The following SHLD2 variants were observed in gnomAD, a reference collection of about 807,000 sequenced individuals.
The protein encoded by SHLD2 is shieldin complex subunit 2, also known as RINN1-REV7-interacting novel NHEJ regulator 2.
SHLD2 carries 30 observed loss-of-function variants against 73.2 expected under a neutral mutation model. That is an observed-to-expected ratio of 0.41 (90% confidence interval 0.31 to 0.56). The LOEUF (loss-of-function observed/expected upper bound fraction) is 0.56. Ranked by LOEUF, SHLD2 falls within the 20% of genes least tolerant of loss-of-function variation. The pLI is 0.28. For missense variants in SHLD2, 745 were observed against 1,055.9 expected, an observed-to-expected ratio of 0.71 and a Z score of 4.08; for synonymous variants, 285 against 370.1, an observed-to-expected ratio of 0.77 and a Z score of 2.64.
intron 9 of SHLD2, among the ~76,000 whole-genome samples, chr10:87,188,416 T>A (rs1450104160): frequency 3.9e-5 from 6 of 152,130 alleles, no homozygotes; most frequent in Non-Finnish European, 8.8e-5. Flanking sequence ...CAGGATTTGG[T>A]GTCCCTCCTC....
upstream of SHLD2, chr10:87,094,907 C>T: frequency 1.9e-6 from 1 of 526,304 alleles, no homozygotes; most frequent in Admixed American, 3.0e-5. The surrounding 1 kb of genome is among the most constrained non-coding windows in gnomAD (Gnocchi z 6.6). Context: ...TGTCCCCTCC[C>T]CTCGGGCGCT....
intron 8 of SHLD2, 151 bp downstream of exon 8, chr10:87,180,454 C>G (rs1848235858): frequency 2.1e-6 from 2 of 957,368 alleles, no homozygotes; most frequent in Non-Finnish European, 1.5e-6. Context: ...TTTATGGAAG[C>G]AAAAATTACC....
At chr10:87,168,139 A>C (rs1847334928) in intron 4 of SHLD2, among the ~76,000 whole-genome samples, 2 of 152,108 alleles carry the variant, frequency 1.3e-5, no homozygotes, top group Admixed American at 6.5e-5. Context: ...ATATATCCAA[A>C]AGAAAACAAA....
chr10:87,116,582 G>A (rs937860069), intron 2 of SHLD2, among the ~76,000 whole-genome samples: 17 of 134,250 alleles, frequency 1.3e-4, no homozygotes, highest in Middle Eastern at 3.5e-3. Context: ...CAGTGAAGGG[G>A]GGATAAGGTC....
intron 4 of SHLD2, among the ~76,000 whole-genome samples, chr10:87,166,175 A>G (rs1263246663): frequency 6.6e-6 from 1 of 152,136 alleles, no homozygotes; most frequent in South Asian, 2.1e-4. Context: ...CCAGTGCAAT[A>G]AACATGGAAA....
intron 2 of SHLD2, among the ~76,000 whole-genome samples, chr10:87,103,649 G>T (rs1024292424): frequency 1.3e-4 from 20 of 152,202 alleles, no homozygotes; most frequent in African/African-American, 4.6e-4. Context: ...TCCTTTTAGT[G>T]AGCATGCTTT....
chr10:87,181,072 A>G (rs1189378278), intron 8 of SHLD2, among the ~76,000 whole-genome samples: 1 of 152,042 alleles, frequency 6.6e-6, no homozygotes, highest in African/African-American at 2.4e-5. Flanking sequence ...TTTTGTGGAA[A>G]AGAAGATTGA....
chr10:87,180,353 T>G, intron 8 of SHLD2, 50 bp downstream of exon 8: 2 of 1,587,500 alleles, frequency 1.3e-6, no homozygotes, highest in Non-Finnish European at 1.7e-6. Flanking sequence ...ATTATAGATC[T>G]GGAAAAATTA....
chr10:87,138,738 G>A (rs1844979392), intron 2 of SHLD2, among the ~76,000 whole-genome samples: 1 of 152,224 alleles, frequency 6.6e-6, no homozygotes, highest in Admixed American at 6.5e-5. Flanking sequence ...GGGATTAACT[G>A]CTACAAGAAT....
At chr10:87,098,153 C>T (rs1193823203) in intron 2 of SHLD2, among the ~76,000 whole-genome samples, 1 of 152,120 alleles carries the variant, frequency 6.6e-6, no homozygotes, top group African/African-American at 2.4e-5. Flanking sequence ...TCCATCTCTT[C>T]CCCCATTTAG....
intron 2 of SHLD2, among the ~76,000 whole-genome samples, chr10:87,137,125 G>C (rs1844854486): frequency 6.6e-6 from 1 of 152,118 alleles, no homozygotes; most frequent in Non-Finnish European, 1.5e-5. Flanking sequence ...GTGACCAAAG[G>C]TCAAGAGAAG....
intron 2 of SHLD2, among the ~76,000 whole-genome samples, chr10:87,142,946 T>TTG (rs1845309923): frequency 7.6e-6 from 1 of 131,490 alleles, no homozygotes; most frequent in African/African-American, 3.0e-5. Flanking sequence ...TTTTTTTTTT[T>TTG]AGAGACAGTG....
At chr10:87,168,110 A>C (rs1019754407) in intron 4 of SHLD2, among the ~76,000 whole-genome samples, 12 of 152,204 alleles carry the variant, frequency 7.9e-5, no homozygotes, top group African/African-American at 2.9e-4. Context: ...GATTTGACCC[A>C]GCAATCCCAT....
intron 7 of SHLD2, among the ~76,000 whole-genome samples, chr10:87,178,820 C>T (rs61858944): frequency 0.1 from 15,950 of 152,224 alleles, 961 homozygotes; most frequent in Admixed American, 0.15. Context: ...GCTACACACT[C>T]CTGCTAACTC....
chr10:87,106,071 T>G (rs1195021672), intron 2 of SHLD2, among the ~76,000 whole-genome samples: 1 of 152,134 alleles, frequency 6.6e-6, no homozygotes, highest in African/African-American at 2.4e-5. Flanking sequence ...TGGTGGGATC[T>G]CGGCTCACTG....
chr10:87,116,191 A>T (rs543801757), intron 2 of SHLD2, among the ~76,000 whole-genome samples: 1 of 152,036 alleles, frequency 6.6e-6, no homozygotes, highest in African/African-American at 2.4e-5. Flanking sequence ...AAGCGTGGAT[A>T]TTTGTTGAGA....
intron 2 of SHLD2, among the ~76,000 whole-genome samples, chr10:87,112,901 A>G (rs1287286489): frequency 6.6e-6 from 1 of 152,174 alleles, no homozygotes. Flanking sequence ...TTCCATTCCT[A>G]GGTCATCCCA....
chr10:87,180,398 T>C (rs1438119853), intron 8 of SHLD2, 95 bp downstream of exon 8: 2 of 1,475,828 alleles, frequency 1.4e-6, no homozygotes, highest in Non-Finnish European at 1.8e-6. Flanking sequence ...AATAATTAAC[T>C]AGAGCTAGTC....
At chr10:87,109,419 C>T (rs574122497) in intron 2 of SHLD2, among the ~76,000 whole-genome samples, 1 of 152,154 alleles carries the variant, frequency 6.6e-6, no homozygotes, top group South Asian at 2.1e-4. Flanking sequence ...CTGCCTCAGC[C>T]TCCCGAGTAG....
Sources: gnomAD v4.1 joint callset for allele counts (sites outside exome capture counted in the v4.1 genomes callset) on GRCh38, gnomAD v4.1.1 for gene constraint, Gnocchi (gnomAD v3.1) non-coding constraint, MANE v1.5 for transcripts, NCBI Gene and HGNC (gene_info 2026-07-23, HGNC 2026-07-21) for gene names.